Variants in MAN1A1 observed in about 807,000 individuals in gnomAD.
The protein encoded by MAN1A1 is mannosidase alpha class 1A member 1.
A neutral mutation model predicts 70.8 loss-of-function variants in MAN1A1; 29 were observed. The observed-to-expected ratio is 0.41, with a 90% CI of 0.31 to 0.56. The LOEUF (loss-of-function observed/expected upper bound fraction) is 0.56. Among genes scored for constraint, MAN1A1 ranks in the 20% least tolerant of loss-of-function variants. MAN1A1 has a pLI of 0.29. For missense variants in MAN1A1, 747 were observed against 841.3 expected (o/e 0.89, Z 1.39); for synonymous variants, 349 against 330.1 (o/e 1.06, Z -0.62).
chr6:119,187,274 C>A (rs769210396), intron 11 of MAN1A1, among the ~76,000 whole-genome samples: 6 of 152,134 alleles, frequency 3.9e-5, no homozygotes, highest in Non-Finnish European at 5.9e-5. Context: ...ATATTTTCAA[C>A]TTAAAATATT....
At chr6:119,344,690 A>C (rs141134267) in intron 2 of MAN1A1, among the ~76,000 whole-genome samples, 6 of 152,396 alleles carry the variant, frequency 3.9e-5, no homozygotes, top group Admixed American at 6.5e-5. Flanking sequence ...GTTTTGTTTT[A>C]ACCTGCCAAG....
At chr6:119,335,055 T>G (rs527406066) in intron 2 of MAN1A1, among the ~76,000 whole-genome samples, 64 of 152,294 alleles carry the variant, frequency 4.2e-4, no homozygotes, top group African/African-American at 1.5e-3. Flanking sequence ...ATAACAATTC[T>G]AACAAGGCAA....
chr6:119,308,438 C>G (rs1292738504), intron 2 of MAN1A1, among the ~76,000 whole-genome samples: 1 of 152,044 alleles, frequency 6.6e-6, no homozygotes, highest in Non-Finnish European at 1.5e-5. Context: ...GGTCACATGA[C>G]TTGATTTATA....
At chr6:119,239,966 T>G (rs1008123103) in intron 6 of MAN1A1, among the ~76,000 whole-genome samples, 6 of 152,240 alleles carry the variant, frequency 3.9e-5, no homozygotes, top group African/African-American at 1.4e-4. Flanking sequence ...TTCTGTGCAT[T>G]TGAAAAACTT....
chr6:119,247,006 A>G (rs187224939), intron 6 of MAN1A1, among the ~76,000 whole-genome samples: 67 of 152,286 alleles, frequency 4.4e-4, no homozygotes, highest in African/African-American at 1.6e-3. Context: ...CCACACCTAT[A>G]GATAGGTACA....
At chr6:119,193,370 C>G (rs75628535) in intron 9 of MAN1A1, among the ~76,000 whole-genome samples, 6,661 of 152,226 alleles carry the variant, frequency 0.044, 198 homozygotes, top group East Asian at 0.082. Context: ...GTCCATTTAT[C>G]TCTGGGGACA....
chr6:119,188,524 C>T lies in MAN1A1; in HGVS notation c.1600G>A (p.Ala534Thr). ...FRFDGGVEAI[A>T]TRQNEKYYIL... ...TAGTATTTTTCATTTTGTCTTGTAGCGATGGCTTCAACACCACCATCAAAT... is the reference window on the plus strand; with the variant it reads ...TAGTATTTTTCATTTTGTCTTGTAGTGATGGCTTCAACACCACCATCAAAT... The change falls in exon 11 of 13, where the codon GCT becomes ACT. Residue 534 changes from alanine to threonine, a missense_variant. Ala to Thr is a moderately conservative substitution (Grantham distance 58). This residue lies in a region of MAN1A1 where 419 missense variants were observed against 548.2 expected (regional missense o/e 0.76). Coordinates refer to ENST00000368468, the MANE Select transcript of MAN1A1 (RefSeq NM_005907.4). 1 of 1,613,898 alleles carries T rather than the reference C, an allele frequency of 6.2e-7. No homozygotes were observed. The highest frequency in any genetic ancestry group is 8.5e-7 in the Non-Finnish European group (1 of 1,179,850).
intron 12 of MAN1A1, 69 bp from the exon 13 acceptor site, chr6:119,180,014 C>G: frequency 2.0e-6 from 3 of 1,471,858 alleles, no homozygotes; most frequent in Non-Finnish European, 2.8e-6. Context: ...AAACACACAG[C>G]AAAAACCACA....
intron 11 of MAN1A1, among the ~76,000 whole-genome samples, chr6:119,185,844 G>GTT (rs63362861): frequency 1.2e-4 from 16 of 132,136 alleles, no homozygotes; most frequent in East Asian, 4.3e-4. Context: ...TGGCCTCCCA[G>GTT]TTTTTTTTTT....
At chr6:119,185,362 T>A (rs1562181299) in intron 11 of MAN1A1, among the ~76,000 whole-genome samples, 1 of 152,218 alleles carries the variant, frequency 6.6e-6, no homozygotes, top group African/African-American at 2.4e-5. Context: ...TTTGACATTA[T>A]TATTAGAAAT....
chr6:119,198,015 A>G (rs189020547), intron 8 of MAN1A1, among the ~76,000 whole-genome samples: 91 of 152,306 alleles, frequency 6.0e-4, no homozygotes, highest in Admixed American at 5.9e-3. Context: ...ACTTTTCTTC[A>G]GCTTTTGAAA....
chr6:119,322,872 T>A (rs772287496), intron 2 of MAN1A1, among the ~76,000 whole-genome samples: 184 of 152,334 alleles, frequency 1.2e-3, no homozygotes, highest in Middle Eastern at 3.4e-3. Context: ...AACCGCTACG[T>A]AGCTGGGTCT....
chr6:119,339,537 T>C (rs1423779413), intron 2 of MAN1A1, among the ~76,000 whole-genome samples: 1 of 151,782 alleles, frequency 6.6e-6, no homozygotes, highest in Non-Finnish European at 1.5e-5. Flanking sequence ...CGAACTTACA[T>C]ATTGGGGTTA....
At chr6:119,196,354 T>C (rs967309202) in intron 8 of MAN1A1, among the ~76,000 whole-genome samples, 2 of 150,330 alleles carry the variant, frequency 1.3e-5, no homozygotes, top group African/African-American at 4.9e-5. Flanking sequence ...CAAAGGAACG[T>C]AGAAGAGAAA....
chr6:119,245,695 A>G (rs1775151096), intron 6 of MAN1A1, among the ~76,000 whole-genome samples: 1 of 152,138 alleles, frequency 6.6e-6, no homozygotes, highest in Non-Finnish European at 1.5e-5. Context: ...GATACAATAT[A>G]TAATTAAAAA....
chr6:119,335,239 C>T (rs1441207351), intron 2 of MAN1A1, among the ~76,000 whole-genome samples: 1 of 152,202 alleles, frequency 6.6e-6, no homozygotes, highest in Non-Finnish European at 1.5e-5. Flanking sequence ...AACCCCTTTC[C>T]TTATCACTCC....
intron 5 of MAN1A1, among the ~76,000 whole-genome samples, chr6:119,282,892 C>T (rs1400030258): frequency 1.3e-5 from 2 of 152,006 alleles, no homozygotes; most frequent in African/African-American, 4.8e-5. Context: ...ATATATGTAC[C>T]TTGTAGAATC....
At chr6:119,271,363 G>T (rs1263769487) in intron 5 of MAN1A1, among the ~76,000 whole-genome samples, 1 of 151,968 alleles carries the variant, frequency 6.6e-6, no homozygotes, top group Non-Finnish European at 1.5e-5. Context: ...TTTGCTCTAG[G>T]TAATACCTAA....
At position 119,290,706 on chromosome 6, in the gene MAN1A1, C is replaced by T. The variant is rs375353033; in HGVS notation, c.874G>A (p.Ala292Thr). 1.6e-4 allele frequency: 255 copies of T among 1,610,800 alleles called. No homozygotes were observed. The highest frequency in any genetic ancestry group is 3.3e-4 in the Middle Eastern group (2 of 6,044). The change falls in exon 5 of 13, where the codon GCC becomes ACC. Residue 292 changes from alanine (A) to threonine (T), a missense_variant. Physicochemically the swap from Ala to Thr is moderately conservative, Grantham distance 58. Around this residue, in one of 2 missense-constraint regions of MAN1A1, gnomAD observed 419 missense variants for 548.2 expected, o/e 0.76. Transcript: ENST00000368468. Reference protein sequence around the residue: ...NIRFVGGLLSAYYLSGEEIFR... With the variant: ...NIRFVGGLLSTYYLSGEEIFR... ...ACCTCTTCTCCAGACAGATAGTAGG[C>T]TGAGAGTAGTCCACCAACAAAGCGT... is the stretch of plus-strand genomic sequence containing the variant.
Sources: allele counts gnomAD v4.1 joint callset (sites outside exome capture counted in the v4.1 genomes callset), GRCh38; gene constraint gnomAD v4.1.1; regional missense constraint gnomAD v4.1.1; transcripts MANE v1.5; gene names NCBI Gene and HGNC (gene_info 2026-07-23, HGNC 2026-07-21).